The following GCDH variants were observed in gnomAD, a reference collection of about 807,000 sequenced individuals.
The protein encoded by GCDH is glutaryl-CoA dehydrogenase, mitochondrial.
A neutral mutation model predicts 52.8 loss-of-function variants in GCDH; 31 were observed. The ratio of observed to expected loss-of-function variants is 0.59; its 90% CI spans 0.44 to 0.79. The LOEUF (loss-of-function observed/expected upper bound fraction) is 0.79. Ranked by LOEUF, GCDH falls within the 30% of genes least tolerant of loss-of-function variation. The pLI, the probability that GCDH is intolerant of heterozygous loss-of-function variation, is 0.00. For missense variants in GCDH, 509 were observed against 595.0 expected, an observed-to-expected ratio of 0.86 and a Z score of 1.50; for synonymous variants, 242 against 250.0, an observed-to-expected ratio of 0.97 and a Z score of 0.30.
chr19:12,899,415 G>A (rs778544038), intron 11 of GCDH, 53 bp from the exon 12 acceptor site: 1 of 1,614,082 alleles, frequency 6.2e-7, no homozygotes, highest in Middle Eastern at 1.6e-4. Context: ...GATTTTAAAG[G>A]GAAGTTGTGA....
chr19:12,891,917 C>T lies in GCDH; in HGVS notation c.214C>T (p.Arg72Cys), dbSNP rs148596667. The change falls in exon 4 of 12, where the codon CGC becomes TGC. Residue 72 changes from arginine (R) to cysteine (C), a missense_variant. Coordinates refer to ENST00000222214, the MANE Select transcript of GCDH (RefSeq NM_000159.4). ...TGAGATCCTCATCAGGGACACCTTC[C>T]GCACCTACTGCCAGGAGAGACTCAT... ...TDEILIRDTF[R>C]TYCQERLMPR... 1.2e-6 allele frequency: 2 copies of T among 1,614,086 alleles called. No individual in the cohort carries two copies. The highest frequency in any genetic ancestry group is 1.7e-6 in the Non-Finnish European group (2 of 1,180,024).
At chr19:12,897,654 C>A (rs543321653) in intron 10 of GCDH, 49 bp from the exon 11 acceptor site, 2 of 1,607,136 alleles carry the variant, frequency 1.2e-6, no homozygotes, top group Non-Finnish European at 1.7e-6. Flanking sequence ...CTTGGAGCAT[C>A]GGGATGCCAG....
chr19:12,897,912 G>GGGGGTACAGGGAGGTGGGAC, intron 11 of GCDH, 49 bp downstream of exon 11: 1 of 1,527,202 alleles, frequency 6.5e-7, no homozygotes, highest in Non-Finnish European at 9.1e-7. Context: ...TGTCTGGGGA[G>GGGGGTACAGGGAGGTGGGAC]GGGGTACAGG....
chr19:12,895,215 C>G (rs1431573195), intron 6 of GCDH, among the ~76,000 whole-genome samples: 1 of 152,072 alleles, frequency 6.6e-6, no homozygotes, highest in Non-Finnish European at 1.5e-5. Context: ...GAAAGCAGGG[C>G]CAGATCTAAC....
intron 5 of GCDH, among the ~76,000 whole-genome samples, chr19:12,892,881 T>G (rs1380518881): frequency 1.4e-5 from 2 of 143,882 alleles, no homozygotes; most frequent in South Asian, 2.2e-4. Context: ...GCCCTTTTCT[T>G]TTTTTTTTTT....
At chr19:12,899,218 T>C in intron 11 of GCDH, 1 of 901,868 alleles carries the variant, frequency 1.1e-6, no homozygotes, top group Non-Finnish European at 1.8e-6. Flanking sequence ...CTTTGGGTTT[T>C]TGTTTTTTTC....
chr19:12,895,386 A>G (rs958854036), intron 6 of GCDH, among the ~76,000 whole-genome samples: 3 of 151,746 alleles, frequency 2.0e-5, no homozygotes, highest in Admixed American at 6.6e-5. Context: ...CGGCCTCCCA[A>G]TTAGCTGGGA....
chr19:12,893,903 C>A, intron 6 of GCDH: 1 of 601,278 alleles, frequency 1.7e-6, no homozygotes, highest in Admixed American at 2.8e-5. Flanking sequence ...AGTTTAAAGT[C>A]CACCAGGTTC....
chr19:12,896,951 G>C lies in GCDH; in HGVS notation c.894G>C (p.Ala298=), dbSNP rs150834108. 2.5e-6 allele frequency: 4 copies of C among 1,613,156 alleles called. No individual in the cohort carries two copies. Among genetic ancestry groups the C allele is most frequent in the Middle Eastern group, 1.7e-4 (1 of 6,060 alleles). ...TGAACAACGCCCGGTACGGCATCGC[G>C]TGGGGCGTGCTTGGAGCTTCGGAGT... ...GCLNNARYGI[A]WGVLGASEFC... is the part of the protein sequence containing the mutation. Residue 298 remains alanine (A), a synonymous_variant, in exon 9 of 12, where the codon GCG becomes GCC. Coordinates refer to ENST00000222214, the MANE Select transcript of GCDH (RefSeq NM_000159.4). This position sits in a 1 kb window ranked among gnomAD's most constrained non-coding sequence, Gnocchi z 5.5.
chr19:12,895,696 C>T (rs887451067), intron 6 of GCDH, among the ~76,000 whole-genome samples: 2 of 151,826 alleles, frequency 1.3e-5, no homozygotes, highest in Admixed American at 6.6e-5. Flanking sequence ...ACTGCAACCT[C>T]TCCTGCCCGG....
At chr19:12,898,059 G>T (rs1242458365) in intron 11 of GCDH, 196 bp downstream of exon 11, 1 of 610,348 alleles carries the variant, frequency 1.6e-6, no homozygotes, top group African/African-American at 1.8e-5. Context: ...GCTTCATGCA[G>T]CACACAGAGG....
chr19:12,891,692 A>G (rs768617997), intron 3 of GCDH, 139 bp from the exon 4 acceptor site: 2 of 1,599,022 alleles, frequency 1.3e-6, no homozygotes, highest in East Asian at 4.5e-5. Context: ...GGCCGGAGAA[A>G]AGTCACCTGA....
At chr19:12,897,531 C>G in intron 10 of GCDH, 103 bp downstream of exon 10, 1 of 1,469,406 alleles carries the variant, frequency 6.8e-7, no homozygotes, top group Non-Finnish European at 9.5e-7. Context: ...CCCTGGGGAC[C>G]TGAACCTTCT....
At position 12,891,784 on chromosome 19, in the gene GCDH, G is replaced by A. The variant is rs764954552; in HGVS notation, c.128-47G>A. 10 of 1,611,968 alleles carry A rather than the reference G, an allele frequency of 6.2e-6. No individual in the cohort carries two copies. The South Asian group carries it at 7.7e-5, about 12-fold the overall frequency. ...GGCTGATGAGGGTCCGAGAAGGGAG[G>A]GCACAGTGATCTTGCGGACTGGACC... On this transcript the variant is annotated intron_variant, in intron 3 of 11. Transcript: ENST00000222214.
In GCDH at chr19:12,891,239, G is replaced by A. The variant is rs572135145; in HGVS notation, c.-34-32G>A. ...GCGGTAGCCCCAGCCGTGGGTGAGA[G>A]GAGCTCCGCTCTGACACCCCCGCTC... On this transcript the variant is annotated intron_variant, in intron 1 of 11. Coordinates refer to ENST00000222214, the MANE Select transcript of GCDH (RefSeq NM_000159.4). The A allele has an allele frequency of 1.5e-5, 21 of 1,356,696 alleles. No individual in the cohort carries two copies. The African/African-American group carries it at 2.0e-4, about 13-fold the overall frequency. 84.0% of individuals were successfully genotyped at this position (1,356,696 alleles called of 1,614,324 possible).
At chr19:12,894,689 C>T (rs1235418892) in intron 6 of GCDH, 1 of 804,640 alleles carries the variant, frequency 1.2e-6, no homozygotes, top group Non-Finnish European at 2.0e-6. Context: ...ACATGTCCTG[C>T]AGCACAAACA....
Position 12,896,529 on chromosome 19 carries a change from CAGT to C in GCDH, c.852+109_852+111del. 1.1e-6 allele frequency: 1 copy of C among 872,050 alleles called. No homozygotes were observed. The highest frequency in any genetic ancestry group is 1.9e-6 in the Non-Finnish European group (1 of 539,502). The allele number at this position is 872,050 out of a possible 1,614,324, so 54.0% of individuals were successfully genotyped here. On this transcript the variant is annotated intron_variant, in intron 8 of 11. Transcript: ENST00000222214. This position sits in a 1 kb window ranked among gnomAD's most constrained non-coding sequence, Gnocchi z 5.5. ...GCTCCCTGTGCCTGTGGAGCCCACA[CAGT>C]GGTGATTCTTACTCAGCCGGACTCG... is the stretch of plus-strand genomic sequence containing the variant.
At chr19:12,899,435 A>C (rs1313968927) in intron 11 of GCDH, 33 bp from the exon 12 acceptor site, 1 of 1,613,008 alleles carries the variant, frequency 6.2e-7, no homozygotes, top group African/African-American at 1.3e-5. Context: ...AGCTATGAAA[A>C]CTCCAAACCG....
chr19:12,899,091 A>G (rs563496118), intron 11 of GCDH: 5 of 552,746 alleles, frequency 9.0e-6, no homozygotes, highest in Non-Finnish European at 1.3e-5. Flanking sequence ...TGAAAATCAA[A>G]CATTTAATAA....
Sources: gnomAD v4.1 joint callset for allele counts (sites outside exome capture counted in the v4.1 genomes callset) on GRCh38, gnomAD v4.1.1 for gene constraint, Gnocchi (gnomAD v3.1) non-coding constraint, MANE v1.5 for transcripts, NCBI Gene and HGNC (gene_info 2026-07-23, HGNC 2026-07-21) for gene names.